The following ELOVL5 variants were observed in gnomAD, a reference collection of about 807,000 sequenced individuals.
ELOVL5 encodes the protein ELOVL fatty acid elongase 5, also known as very long chain fatty acid elongase 5.
A neutral mutation model predicts 38.6 loss-of-function variants in ELOVL5; 8 were observed. The ratio of observed to expected loss-of-function variants is 0.21; its 90% CI spans 0.12 to 0.37. The LOEUF is 0.37. Among genes scored for constraint, ELOVL5 ranks in the 10% least tolerant of loss-of-function variants. The pLI is 1.00. For missense variants in ELOVL5, 280 were observed against 367.8 expected (o/e 0.76, Z 1.95); for synonymous variants, 127 against 133.7 (o/e 0.95, Z 0.34).
At chr6:53,276,313 T>A in intron 3 of ELOVL5, 57 bp from the exon 4 acceptor site, 1 of 1,115,618 alleles carries the variant, frequency 9.0e-7, no homozygotes. Context: ...AAAGTCCTCA[T>A]TGAACTTTAT....
chr6:53,296,345 C>G (rs1767003223), intron 1 of ELOVL5, among the ~76,000 whole-genome samples: 1 of 152,122 alleles, frequency 6.6e-6, no homozygotes, highest in African/African-American at 2.4e-5. Context: ...ACAAAGAGGT[C>G]ATGCTAAATG....
intron 2 of ELOVL5, 137 bp from the exon 3 acceptor site, chr6:53,292,100 G>A: frequency 1.9e-6 from 1 of 521,034 alleles, no homozygotes. Flanking sequence ...ATCAGGAGAG[G>A]AGGCATGGAT....
chr6:53,288,724 TCA>T (rs1450019478), intron 3 of ELOVL5, among the ~76,000 whole-genome samples: 3 of 152,220 alleles, frequency 2.0e-5, no homozygotes, highest in Non-Finnish European at 4.4e-5. Flanking sequence ...ATTTAAAGTT[TCA>T]GTGACTTCCT....
chr6:53,274,935 G>A (rs770794222), intron 5 of ELOVL5, among the ~76,000 whole-genome samples, 155 bp downstream of exon 5: 6 of 152,196 alleles, frequency 3.9e-5, no homozygotes, highest in Non-Finnish European at 5.9e-5. Context: ...GGTTTTGTGT[G>A]CATAGGTACA....
chr6:53,308,996 C>CA (rs1767715244), intron 1 of ELOVL5, among the ~76,000 whole-genome samples: 1 of 152,104 alleles, frequency 6.6e-6, no homozygotes, highest in South Asian at 2.1e-4. Flanking sequence ...CACTGTGTGA[C>CA]ATGGTACACA....
intron 1 of ELOVL5, among the ~76,000 whole-genome samples, chr6:53,345,157 A>T (rs1561898090): frequency 6.6e-6 from 1 of 152,174 alleles, no homozygotes; most frequent in Non-Finnish European, 1.5e-5. Flanking sequence ...GACTCTTTGG[A>T]GGGTGGCAGG....
At chr6:53,273,370 G>A in intron 5 of ELOVL5, 26 bp from the exon 6 acceptor site, 1 of 1,607,610 alleles carries the variant, frequency 6.2e-7, no homozygotes, top group Non-Finnish European at 8.5e-7. Flanking sequence ...GATTTGGGAA[G>A]GAGAATGTAT....
intron 3 of ELOVL5, among the ~76,000 whole-genome samples, chr6:53,281,827 T>TG (rs1766375886): frequency 6.6e-6 from 1 of 151,754 alleles, no homozygotes; most frequent in South Asian, 2.1e-4. Context: ...CAGGTGTTTT[T>TG]TTTTTTTCCT....
At chr6:53,288,559 C>G (rs926249429) in intron 3 of ELOVL5, among the ~76,000 whole-genome samples, 1 of 152,160 alleles carries the variant, frequency 6.6e-6, no homozygotes, top group Non-Finnish European at 1.5e-5. Context: ...GAAATAAACA[C>G]TAAAGTTAAT....
At chr6:53,273,064 A>T (rs1765982660) in intron 6 of ELOVL5, among the ~76,000 whole-genome samples, 156 bp downstream of exon 6, 2 of 151,628 alleles carry the variant, frequency 1.3e-5, no homozygotes, top group Non-Finnish European at 2.9e-5. Flanking sequence ...CAAAACAAGA[A>T]AATTCCCTAA....
chr6:53,328,519 G>T (rs1369748682), intron 1 of ELOVL5, among the ~76,000 whole-genome samples: 1 of 152,150 alleles, frequency 6.6e-6, no homozygotes, highest in Non-Finnish European at 1.5e-5. Context: ...AAATCTTTTT[G>T]TAACACATAG....
rs540605839 is a variant in ELOVL5 at position 53,267,879 on chromosome 6, C to T, written c.*1248G>A. Reference sequence around the variant, plus strand: ...ATCATAGGCTTTACCTGTTTGACCACTGCCTCAAATGTGTGAGATGTGATT... The same window carrying T: ...ATCATAGGCTTTACCTGTTTGACCATTGCCTCAAATGTGTGAGATGTGATT... On this transcript the variant is annotated 3_prime_UTR_variant, in exon 8 of 8. Transcript: ENST00000304434. 23 of 152,382 alleles carry T rather than the reference C, an allele frequency of 1.5e-4. No homozygotes were observed. The highest frequency in any genetic ancestry group is 5.5e-4 in the African/African-American group (23 of 41,570). 9.4% of individuals were successfully genotyped at this position (152,382 alleles called of 1,614,324 possible). A position where few individuals can be genotyped will look rare whatever the true frequency, so the allele number is the denominator to read the frequency against.
At chr6:53,328,436 A>C (rs1038864511) in intron 1 of ELOVL5, among the ~76,000 whole-genome samples, 1 of 152,196 alleles carries the variant, frequency 6.6e-6, no homozygotes, top group Non-Finnish European at 1.5e-5. Context: ...AATCAAGAGG[A>C]GGCTAATGCT....
chr6:53,318,111 C>T (rs1768133631), intron 1 of ELOVL5, among the ~76,000 whole-genome samples: 1 of 152,196 alleles, frequency 6.6e-6, no homozygotes, highest in South Asian at 2.1e-4. Context: ...CCAACTGACT[C>T]CAGAGCCTAC....
intron 7 of ELOVL5, among the ~76,000 whole-genome samples, chr6:53,270,339 G>A (rs1765875051): frequency 1.3e-5 from 2 of 152,308 alleles, no homozygotes; most frequent in Admixed American, 1.3e-4. Context: ...AAGCAACATA[G>A]GGTCCTGCTG....
chr6:53,335,424 C>T (rs1304378127), intron 1 of ELOVL5, among the ~76,000 whole-genome samples: 1 of 152,142 alleles, frequency 6.6e-6, no homozygotes, highest in Non-Finnish European at 1.5e-5. Flanking sequence ...CGAGCCTTTG[C>T]TTCAATACCC....
intron 3 of ELOVL5, among the ~76,000 whole-genome samples, chr6:53,283,110 G>C (rs1766422584): frequency 6.6e-6 from 1 of 152,172 alleles, no homozygotes; most frequent in Non-Finnish European, 1.5e-5. Context: ...TCTGGTTCTA[G>C]CAACGTGGCA....
chr6:53,272,470 C>T (rs1765961644), intron 6 of ELOVL5, among the ~76,000 whole-genome samples: 3 of 152,146 alleles, frequency 2.0e-5, no homozygotes, highest in Admixed American at 1.3e-4. Flanking sequence ...GCTACTGGAA[C>T]AATCTATGTA....
At chr6:53,321,568 C>T (rs576660409) in intron 1 of ELOVL5, among the ~76,000 whole-genome samples, 2 of 152,260 alleles carry the variant, frequency 1.3e-5, no homozygotes, top group South Asian at 4.1e-4. Context: ...TCTTAGAATG[C>T]ATTGAAAAAT....
Sources: gnomAD v4.1 joint callset for allele counts (sites outside exome capture counted in the v4.1 genomes callset) on GRCh38, gnomAD v4.1.1 for gene constraint, MANE v1.5 for transcripts, NCBI Gene and HGNC (gene_info 2026-07-23, HGNC 2026-07-21) for gene names.